Variants in ZNF385D observed in about 807,000 individuals in gnomAD.
ZNF385D encodes zinc finger protein 659.
Under a neutral mutation model 35.8 loss-of-function variants are expected in ZNF385D, and 15 were observed. The ratio of observed to expected loss-of-function variants is 0.42; its 90% confidence interval spans 0.28 to 0.64. ZNF385D has a LOEUF of 0.64. ZNF385D is among the 30% of genes least tolerant of loss of function. ZNF385D has a pLI of 0.23. For missense variants in ZNF385D, 474 were observed against 494.6 expected (o/e 0.96, Z 0.39); for synonymous variants, 212 against 186.8 (o/e 1.13, Z -1.10).
At chr3:21,943,450 T>A (rs1036862715) in intron 3 of ZNF385D, among the ~76,000 whole-genome samples, 2 of 151,866 alleles carry the variant, frequency 1.3e-5, no homozygotes, top group African/African-American at 4.8e-5. Context: ...ACTTCTGCAG[T>A]GACAACATCA....
At chr3:21,752,464 ATC>A (rs1252520005), upstream of ZNF385D, among the ~76,000 whole-genome samples, 4 of 152,202 alleles carry the variant, frequency 2.6e-5, no homozygotes, top group Non-Finnish European at 2.9e-5. Flanking sequence ...GCGATTCTAT[ATC>A]TCTTGGTGGA....
At chr3:21,992,638 AG>A (rs575437038) in intron 3 of ZNF385D, among the ~76,000 whole-genome samples, 8 of 152,190 alleles carry the variant, frequency 5.3e-5, no homozygotes, top group Non-Finnish European at 1.2e-4. Context: ...CTGAAGCTAA[AG>A]TTCGCATTAT....
chr3:21,706,419 T>G (rs570522752), intron 1 of ZNF385D, among the ~76,000 whole-genome samples: 1 of 152,188 alleles, frequency 6.6e-6, no homozygotes, highest in African/African-American at 2.4e-5. Flanking sequence ...GTACATCTTT[T>G]GGTAAAAACT....
Position 22,251,479 on chromosome 3 carries a change from A to T in ZNF385D, c.107-82444T>A, listed in dbSNP as rs187663027. On this transcript the variant is annotated intron_variant, in intron 2 of 5. Coordinates refer to the ZNF385D transcript ENST00000494108. ...TCATTTATCTACTTGGAAATCTCTT[A>T]AGTGGCTATTCATAATTTTACAGGT... Among the ~76,000 whole-genome samples the T allele has an allele frequency of 7.9e-5, 12 of 152,170 alleles. 1 individual carries two copies. Among genetic ancestry groups the T allele is most frequent in the Admixed American group, 7.2e-4 (11 of 15,264 alleles).
At chr3:22,066,585 T>G (rs1576255377) in intron 3 of ZNF385D, among the ~76,000 whole-genome samples, 2 of 140,194 alleles carry the variant, frequency 1.4e-5, no homozygotes, top group South Asian at 2.3e-4. Context: ...TGTGTGTAAG[T>G]AAAAAGATAC....
chr3:21,666,865 G>A (rs1042134298), intron 1 of ZNF385D, among the ~76,000 whole-genome samples: 1 of 152,144 alleles, frequency 6.6e-6, no homozygotes, highest in Admixed American at 6.5e-5. Flanking sequence ...ATCACTTGAA[G>A]TCAGGAGTTC....
At chr3:22,085,822 C>G (rs542126972) in intron 3 of ZNF385D, among the ~76,000 whole-genome samples, 1 of 152,098 alleles carries the variant, frequency 6.6e-6, no homozygotes, top group African/African-American at 2.4e-5. Flanking sequence ...ACTGGCAAAC[C>G]GAATCCAGTA....
chr3:21,832,474 G>C (rs1287024361), intron 3 of ZNF385D, among the ~76,000 whole-genome samples: 1 of 152,138 alleles, frequency 6.6e-6, no homozygotes, highest in Non-Finnish European at 1.5e-5. Flanking sequence ...ACATTCTCAT[G>C]GATCAGCAAA....
rs909563714 is a variant in ZNF385D, at chr3:21,465,623, C to A, written c.440-28420G>T. The stretch of plus-strand genomic sequence containing the variant: ...TATTCGAGTTATGCATATTTCCTGG[C>A]ACTCTTGTCTCACATCTGTGTAAGT... On this transcript the variant is annotated intron_variant, in intron 4 of 7. Transcript: ENST00000281523. This position sits in a 1 kb window ranked among gnomAD's most constrained non-coding sequence, Gnocchi z 4.2. Among the ~76,000 whole-genome samples, 1 of 152,210 alleles carries A rather than the reference C, an allele frequency of 6.6e-6. No homozygotes were observed. Among genetic ancestry groups the A allele is most frequent in the African/African-American group, 2.4e-5 (1 of 41,448 alleles).
intron 3 of ZNF385D, among the ~76,000 whole-genome samples, chr3:21,876,028 GT>G (rs1362631739): frequency 1.3e-5 from 2 of 152,032 alleles, no homozygotes; most frequent in African/African-American, 4.8e-5. Context: ...AGAAAAACGA[GT>G]TACTTCATCA....
intron 1 of ZNF385D, among the ~76,000 whole-genome samples, chr3:21,729,402 A>G (rs1444237670): frequency 6.6e-6 from 1 of 152,148 alleles, no homozygotes; most frequent in Non-Finnish European, 1.5e-5. Context: ...ACCCACAGTG[A>G]AAATGGATTA....
intron 3 of ZNF385D, among the ~76,000 whole-genome samples, chr3:21,863,839 C>G (rs969049227): frequency 6.6e-6 from 1 of 152,076 alleles, no homozygotes; most frequent in Non-Finnish European, 1.5e-5. Context: ...GGGAAGTGGC[C>G]AATGCCAACC....
chr3:22,101,828 T>A (rs898164338), intron 3 of ZNF385D, among the ~76,000 whole-genome samples: 1 of 151,952 alleles, frequency 6.6e-6, no homozygotes, highest in East Asian at 1.9e-4. Flanking sequence ...GAATACAAGG[T>A]AATATTTTAA....
At chr3:22,217,452 C>A (rs901340875) in intron 2 of ZNF385D, among the ~76,000 whole-genome samples, 1 of 152,110 alleles carries the variant, frequency 6.6e-6, no homozygotes, top group African/African-American at 2.4e-5. Context: ...CATTTTAATA[C>A]AGAGGTGCAC....
intron 3 of ZNF385D, among the ~76,000 whole-genome samples, chr3:22,058,060 T>A (rs941518767): frequency 2.6e-5 from 4 of 152,222 alleles, no homozygotes; most frequent in Admixed American, 2.6e-4. Context: ...TCTTGTTGGC[T>A]ATACACACCC....
intron 3 of ZNF385D, among the ~76,000 whole-genome samples, chr3:22,104,516 C>T (rs1443101459): frequency 6.6e-6 from 1 of 152,032 alleles, no homozygotes; most frequent in Admixed American, 6.6e-5. Flanking sequence ...CAGTATTTTA[C>T]AACCACATGA....
chr3:21,486,353 C>G (rs150784807), intron 4 of ZNF385D, among the ~76,000 whole-genome samples: 2 of 151,094 alleles, frequency 1.3e-5, no homozygotes, highest in African/African-American at 4.9e-5. Context: ...CAAGTGCTGG[C>G]CTTTCAAACA....
chr3:22,025,596 G>C (rs1174168288), intron 3 of ZNF385D, among the ~76,000 whole-genome samples: 1 of 152,186 alleles, frequency 6.6e-6, no homozygotes, highest in Non-Finnish European at 1.5e-5. Flanking sequence ...AGCTCAGGGA[G>C]TTTAAAAAGG....
intron 2 of ZNF385D, among the ~76,000 whole-genome samples, chr3:22,344,177 G>GGTGGGGTGTGTGT (rs1553652923): frequency 2.1e-5 from 3 of 140,846 alleles, no homozygotes; most frequent in East Asian, 4.1e-4. Context: ...GGTGGGGTGG[G>GGTGGGGTGTGTGT]GTGTGTGTGT....
Sources: allele counts gnomAD v4.1 joint callset (sites outside exome capture counted in the v4.1 genomes callset), GRCh38; gene constraint gnomAD v4.1.1; non-coding constraint Gnocchi (gnomAD v3.1); transcripts MANE v1.5; gene names NCBI Gene and HGNC (gene_info 2026-07-23, HGNC 2026-07-21).